LARGE1: variants seen among roughly 807,000 people sequenced by gnomAD.
LARGE1 encodes the protein LARGE xylosyl- and glucuronyltransferase 1.
Under a neutral mutation model 87.6 loss-of-function variants are expected in LARGE1, and 43 were observed. That is an observed-to-expected ratio of 0.49 (90% CI 0.38 to 0.63). The LOEUF (loss-of-function observed/expected upper bound fraction) is 0.63, where lower values mean the gene tolerates loss of function less well. Among genes scored for constraint, LARGE1 ranks in the 30% least tolerant of loss-of-function variants. The pLI is 0.00. For synonymous variants in LARGE1, 434 were observed against 394.6 expected, an observed-to-expected ratio of 1.10 and a Z score of -1.18; for missense variants, 802 against 1,000.2, an observed-to-expected ratio of 0.80 and a Z score of 2.67.
intron 1 of LARGE1, among the ~76,000 whole-genome samples, chr22:33,782,831 C>T (rs2085466785): frequency 6.7e-6 from 1 of 150,208 alleles, no homozygotes; most frequent in South Asian, 2.1e-4. Context: ...CGCCACTGCA[C>T]TCCAGCCTGG....
At chr22:33,883,519 G>A (rs1336342335) in intron 1 of LARGE1, among the ~76,000 whole-genome samples, 1 of 152,186 alleles carries the variant, frequency 6.6e-6, no homozygotes, top group African/African-American at 2.4e-5. Flanking sequence ...TCGTGATCCT[G>A]ATAAACATGA....
At chr22:33,142,723 G>T in the LARGE1 span, among the ~76,000 whole-genome samples, 1 of 152,076 alleles carries the variant, frequency 6.6e-6, no homozygotes, top group Non-Finnish European at 1.5e-5. Context: ...TGGCTATTTT[G>T]CCCAGTTTTA....
At chr22:33,194,107 A>T (rs1200719942) in intron 11 of LARGE1, among the ~76,000 whole-genome samples, 1 of 151,900 alleles carries the variant, frequency 6.6e-6, no homozygotes, top group African/African-American at 2.4e-5. Flanking sequence ...ACTTTTTATA[A>T]TTCACAGTTA....
intron 2 of LARGE1, among the ~76,000 whole-genome samples, chr22:33,706,342 C>T (rs918866216): frequency 2.6e-5 from 4 of 152,138 alleles, no homozygotes; most frequent in Non-Finnish European, 4.4e-5. Flanking sequence ...CTCGTCAGGG[C>T]CTGAGAACAG....
At chr22:33,595,444 A>T (rs2283920) in intron 5 of LARGE1, among the ~76,000 whole-genome samples, 22,159 of 152,134 alleles carry the variant, frequency 0.15, 1,807 homozygotes, top group African/African-American at 0.21. Context: ...TGTGATTTGC[A>T]GAACCACAGA....
chr22:33,909,336 T>C (rs761670605), intron 1 of LARGE1, among the ~76,000 whole-genome samples: 9 of 152,104 alleles, frequency 5.9e-5, no homozygotes, highest in Non-Finnish European at 1.3e-4. Context: ...GAACTTCATA[T>C]ATGAACTGGT....
intron 2 of LARGE1, among the ~76,000 whole-genome samples, chr22:33,694,723 G>A (rs1484711338): frequency 6.6e-6 from 1 of 152,062 alleles, no homozygotes; most frequent in Non-Finnish European, 1.5e-5. Context: ...AGACAGGAGG[G>A]GGAAGGGAGG....
intron 6 of LARGE1, among the ~76,000 whole-genome samples, chr22:33,442,510 G>A (rs2067515052): frequency 6.6e-6 from 1 of 152,128 alleles, no homozygotes; most frequent in South Asian, 2.1e-4. Flanking sequence ...TCTGAAAGGG[G>A]GTGGTCACCT....
At chr22:33,719,527 A>ATTTT (rs1415030514) in intron 2 of LARGE1, among the ~76,000 whole-genome samples, 18 of 148,484 alleles carry the variant, frequency 1.2e-4, no homozygotes, top group African/African-American at 4.6e-4. Context: ...TTATTTATTT[A>ATTTT]TTTATTTTTT....
intron 2 of LARGE1, among the ~76,000 whole-genome samples, chr22:33,696,006 T>C (rs2082233175): frequency 6.6e-6 from 1 of 152,212 alleles, no homozygotes; most frequent in African/African-American, 2.4e-5. Context: ...GGGTAAGCTT[T>C]CTCTCATAAC....
At chr22:33,645,429 T>C (rs1212472409) in intron 3 of LARGE1, among the ~76,000 whole-genome samples, 1 of 152,122 alleles carries the variant, frequency 6.6e-6, no homozygotes, top group Admixed American at 6.5e-5. Flanking sequence ...TTACACCTTA[T>C]ACAAAAATTA....
At chr22:33,612,463 C>T (rs976853447) in intron 4 of LARGE1, among the ~76,000 whole-genome samples, 3 of 152,188 alleles carry the variant, frequency 2.0e-5, no homozygotes, top group African/African-American at 4.8e-5. Flanking sequence ...ATAGGGCTAA[C>T]TACAGGACTT....
At chr22:33,420,911 G>A (rs1005716379) in intron 7 of LARGE1, among the ~76,000 whole-genome samples, 11 of 152,184 alleles carry the variant, frequency 7.2e-5, no homozygotes, top group African/African-American at 1.2e-4. Context: ...AGGAAGGCTG[G>A]GCGCGGTGGC....
the LARGE1 span, among the ~76,000 whole-genome samples, chr22:33,155,398 T>G: frequency 6.6e-6 from 1 of 152,114 alleles, no homozygotes; most frequent in African/African-American, 2.4e-5. Context: ...TGGTCTCAGA[T>G]GGAGATGAGG....
At chr22:33,697,699 C>A (rs545650026) in intron 2 of LARGE1, among the ~76,000 whole-genome samples, 1 of 152,126 alleles carries the variant, frequency 6.6e-6, no homozygotes, top group Non-Finnish European at 1.5e-5. Context: ...CCTTCTTCTG[C>A]GGTGCGCTGC....
At chr22:33,500,553 G>A (rs1015239257) in intron 6 of LARGE1, among the ~76,000 whole-genome samples, 122 of 152,250 alleles carry the variant, frequency 8.0e-4, no homozygotes, top group African/African-American at 2.7e-3. Flanking sequence ...ATAGCTTCCT[G>A]GTTTACAACG....
chr22:33,725,833 CA>C (rs2083254443), intron 2 of LARGE1: 1 of 151,926 alleles, frequency 6.6e-6, no homozygotes, highest in African/African-American at 2.4e-5. Flanking sequence ...TTTTTTAAAA[CA>C]ATATTTAATA....
At position 33,430,246 on chromosome 22, in the gene LARGE1, T is replaced by C. The variant is rs529456121; in HGVS notation, c.892+1915A>G. 8.5e-5 allele frequency among the ~76,000 whole-genome samples: 13 copies of C among 152,290 alleles called. No homozygotes were observed. In the South Asian group the frequency reaches 2.5e-3, roughly 29 times the overall value. Reference sequence around the variant, plus strand: ...TGGTATAGGCATGGCACCTGCCTCATAGGATGAGTGTGAGGATCAAAGGAG... The same window carrying C: ...TGGTATAGGCATGGCACCTGCCTCACAGGATGAGTGTGAGGATCAAAGGAG... On this transcript the variant is annotated intron_variant, in intron 7 of 14. Coordinates refer to ENST00000397394, the MANE Select transcript of LARGE1 (RefSeq NM_133642.5).
At chr22:33,861,860 CTTTTTTTTT>C (rs59657748) in intron 1 of LARGE1, among the ~76,000 whole-genome samples, 15 of 117,218 alleles carry the variant, frequency 1.3e-4, no homozygotes, top group African/African-American at 4.8e-4. Context: ...CCCAGACATT[CTTTTTTTTT>C]TTTTTTTTTT....
Sources: allele counts gnomAD v4.1 joint callset (sites outside exome capture counted in the v4.1 genomes callset), GRCh38; gene constraint gnomAD v4.1.1; transcripts MANE v1.5; gene names NCBI Gene and HGNC (gene_info 2026-07-23, HGNC 2026-07-21).